The following SUCLG2 variants were observed in gnomAD, a reference collection of about 807,000 sequenced individuals.
SUCLG2 encodes succinate-CoA ligase GDP-forming subunit beta.
SUCLG2 carries 42 observed loss-of-function variants against 47.9 expected under a neutral mutation model. The ratio of observed to expected loss-of-function variants is 0.88; its 90% confidence interval spans 0.69 to 1.14. The LOEUF (loss-of-function observed/expected upper bound fraction) is 1.14. SUCLG2 is among the 50% of genes most tolerant of loss of function. SUCLG2 has a pLI of 0.00. For synonymous variants in SUCLG2, 195 were observed against 197.3 expected (o/e 0.99, Z 0.10); for missense variants, 571 against 525.9 (o/e 1.09, Z -0.84).
chr3:67,603,246 T>C (rs1708458931), intron 2 of SUCLG2, among the ~76,000 whole-genome samples: 1 of 152,206 alleles, frequency 6.6e-6, no homozygotes, highest in South Asian at 2.1e-4. Flanking sequence ...GATATTAAGA[T>C]CTTTTTGCAA....
At chr3:67,525,833 A>G (rs1706241645) in intron 4 of SUCLG2, among the ~76,000 whole-genome samples, 1 of 152,232 alleles carries the variant, frequency 6.6e-6, no homozygotes, top group Non-Finnish European at 1.5e-5. Flanking sequence ...CCCTGTTGAA[A>G]AAATGAATAT....
chr3:67,374,895 T>A lies in SUCLG2; in HGVS notation c.*849A>T. On this transcript the variant is annotated 3_prime_UTR_variant, in exon 11 of 11. Transcript: ENST00000307227. ...CATAAACTGGTAGATTCTGGGAGGA[T>A]GAGGAGTAAGAGAGAAACGAGGAGA... The A allele has an allele frequency of 1.0e-6, 1 of 985,082 alleles. No homozygotes were observed. The highest frequency in any genetic ancestry group is 1.2e-6 in the Non-Finnish European group (1 of 829,846). The allele number at this position is 985,082 out of a possible 1,614,324, so 61.0% of individuals were successfully genotyped here.
chr3:67,360,832 C>T (rs1039070400), intron 10 of SUCLG2: 1 of 1,303,056 alleles, frequency 7.7e-7, no homozygotes, highest in Middle Eastern at 2.3e-4. Flanking sequence ...TGAACAACAA[C>T]AGTATGGTAT....
At chr3:67,405,117 A>G (rs1227172664) in intron 9 of SUCLG2, among the ~76,000 whole-genome samples, 1 of 152,176 alleles carries the variant, frequency 6.6e-6, no homozygotes, top group Non-Finnish European at 1.5e-5. Context: ...ACTGTTTTAC[A>G]AAAGTAAAGA....
chr3:67,648,071 A>T (rs1203323601), intron 1 of SUCLG2, among the ~76,000 whole-genome samples: 1 of 152,240 alleles, frequency 6.6e-6, no homozygotes, highest in African/African-American at 2.4e-5. Flanking sequence ...ATCGGGTCAT[A>T]TGCCAAATGT....
At chr3:67,636,027 AT>A (rs1371435497) in intron 1 of SUCLG2, among the ~76,000 whole-genome samples, 1 of 152,220 alleles carries the variant, frequency 6.6e-6, no homozygotes, top group African/African-American at 2.4e-5. Flanking sequence ...TTCCAGAGGG[AT>A]TCAAGCTCAA....
chr3:67,526,906 T>C (rs1335270711), intron 4 of SUCLG2, among the ~76,000 whole-genome samples: 1 of 152,174 alleles, frequency 6.6e-6, no homozygotes, highest in East Asian at 1.9e-4. Context: ...TTATTTGTAA[T>C]AGCCAAAAAC....
At chr3:67,558,800 C>T (rs1026195391) in intron 2 of SUCLG2, among the ~76,000 whole-genome samples, 2 of 152,156 alleles carry the variant, frequency 1.3e-5, no homozygotes, top group African/African-American at 4.8e-5. Context: ...AAGGGTCGCT[C>T]CCCTGGAAAC....
intron 9 of SUCLG2, among the ~76,000 whole-genome samples, chr3:67,473,102 A>G (rs1704644838): frequency 6.6e-6 from 1 of 152,200 alleles, no homozygotes; most frequent in South Asian, 2.1e-4. Flanking sequence ...TACAGAAATG[A>G]AAAGAAAATA....
intron 9 of SUCLG2, among the ~76,000 whole-genome samples, chr3:67,493,489 A>G (rs765232474): frequency 4.5e-4 from 69 of 152,208 alleles, no homozygotes; most frequent in Non-Finnish European, 8.7e-4. Flanking sequence ...TTTTAAAAGA[A>G]AAATGGCTCT....
intron 2 of SUCLG2, among the ~76,000 whole-genome samples, chr3:67,534,411 G>T (rs781527044): frequency 2.0e-5 from 3 of 151,708 alleles, no homozygotes; most frequent in Non-Finnish European, 4.4e-5. Context: ...TTAAATCACA[G>T]TTTTTTCATA....
Position 67,512,562 on chromosome 3 carries a change from TAC to T in SUCLG2, c.661-3661_661-3660del, listed in dbSNP as rs201211927. ...CTACATAATAGAAATAACTTCTGGG[TAC>T]ACATATATATATATATGTATAATCT... On this transcript the variant is annotated intron_variant, in intron 6 of 10. Coordinates refer to ENST00000307227, the MANE Select transcript of SUCLG2 (RefSeq NM_003848.4). Among the ~76,000 whole-genome samples the T allele has an allele frequency of 4.5e-3, 678 of 149,706 alleles. 15 individuals are homozygous for T. The East Asian group carries it at 0.056, about 12-fold the overall frequency.
At chr3:67,650,378 C>T (rs1701265389) in intron 1 of SUCLG2, among the ~76,000 whole-genome samples, 1 of 152,216 alleles carries the variant, frequency 6.6e-6, no homozygotes, top group Admixed American at 6.5e-5. Flanking sequence ...TGGGTTTAAG[C>T]AGTTTCTTTG....
chr3:67,428,666 A>G (rs1703373487), intron 9 of SUCLG2, among the ~76,000 whole-genome samples: 1 of 152,172 alleles, frequency 6.6e-6, no homozygotes, highest in Admixed American at 6.5e-5. Context: ...CTAAAGGAGG[A>G]CGTTCGAACC....
At chr3:67,492,709 T>C (rs1328118171) in intron 9 of SUCLG2, among the ~76,000 whole-genome samples, 1 of 152,168 alleles carries the variant, frequency 6.6e-6, no homozygotes, top group Non-Finnish European at 1.5e-5. Context: ...GAGTTTATCT[T>C]GAAAAAGACT....
chr3:67,471,972 T>C (rs1704617183), intron 9 of SUCLG2, among the ~76,000 whole-genome samples: 1 of 102,542 alleles, frequency 9.8e-6, no homozygotes, highest in Non-Finnish European at 2.5e-5. Flanking sequence ...CACCTTCCTA[T>C]GTTTAGAGTC....
intron 1 of SUCLG2, among the ~76,000 whole-genome samples, chr3:67,632,591 G>C (rs759553612): frequency 9.2e-5 from 14 of 152,058 alleles, no homozygotes; most frequent in Non-Finnish European, 1.6e-4. Context: ...ACTGGATCAC[G>C]GACTTGTTTG....
chr3:67,453,799 T>C (rs1367863242), intron 9 of SUCLG2, among the ~76,000 whole-genome samples: 1 of 152,228 alleles, frequency 6.6e-6, no homozygotes, highest in African/African-American at 2.4e-5. Flanking sequence ...TGAAAACTAC[T>C]GTGTTCACTG....
intron 1 of SUCLG2, among the ~76,000 whole-genome samples, chr3:67,619,245 C>T (rs1700687436): frequency 6.6e-6 from 1 of 152,300 alleles, no homozygotes; most frequent in South Asian, 2.1e-4. Context: ...TGTTATTCCA[C>T]TTGGAAAGCA....
Sources: gnomAD v4.1 joint callset for allele counts (sites outside exome capture counted in the v4.1 genomes callset) on GRCh38, gnomAD v4.1.1 for gene constraint, MANE v1.5 for transcripts, NCBI Gene and HGNC (gene_info 2026-07-23, HGNC 2026-07-21) for gene names.